Variants in GPC6 observed in about 807,000 individuals in gnomAD.
The protein encoded by GPC6 is glypican-6.
Under a neutral mutation model 55.2 loss-of-function variants are expected in GPC6, and 14 were observed. The ratio of observed to expected loss-of-function variants is 0.25; its 90% CI spans 0.17 to 0.40. The LOEUF is 0.40. Ranked by LOEUF, GPC6 falls within the 10% of genes least tolerant of loss-of-function variation. GPC6 has a pLI of 1.00. For synonymous variants in GPC6, 278 were observed against 259.6 expected, an observed-to-expected ratio of 1.07 and a Z score of -0.68; for missense variants, 641 against 708.5, an observed-to-expected ratio of 0.90 and a Z score of 1.08.
chr13:93,499,065 C>G lies in GPC6; in HGVS notation c.161-46198C>G, dbSNP rs922866938. On this transcript the variant is annotated intron_variant, in intron 1 of 8. Coordinates refer to ENST00000377047, the MANE Select transcript of GPC6 (RefSeq NM_005708.5). ...ATTTGAGTAAGGAAACAAAAATTAA[C>G]ATAGTATATCCACAATCCTTAATTG... Among the ~76,000 whole-genome samples, 7 of 149,176 alleles carry G rather than the reference C, an allele frequency of 4.7e-5. No homozygotes were observed. In the Admixed American group the frequency reaches 4.7e-4, roughly 10 times the overall value.
chr13:93,635,876 T>C (rs1879669761), intron 2 of GPC6, among the ~76,000 whole-genome samples: 1 of 152,168 alleles, frequency 6.6e-6, no homozygotes, highest in East Asian at 1.9e-4. Context: ...TTTGTAGTGT[T>C]CCTAGTGTGA....
intron 1 of GPC6, among the ~76,000 whole-genome samples, chr13:93,417,847 A>G (rs573071576): frequency 6.6e-6 from 1 of 152,184 alleles, no homozygotes; most frequent in Non-Finnish European, 1.5e-5. Flanking sequence ...TTTGGACAAA[A>G]AAATAAAAAA....
intron 2 of GPC6, among the ~76,000 whole-genome samples, chr13:93,568,327 T>G (rs1183903035): frequency 1.3e-5 from 2 of 152,206 alleles, no homozygotes; most frequent in African/African-American, 4.8e-5. Flanking sequence ...TTTTAATTGT[T>G]ATGTTCAGGC....
At chr13:93,960,191 CT>C (rs1179639819) in intron 3 of GPC6, among the ~76,000 whole-genome samples, 1 of 152,148 alleles carries the variant, frequency 6.6e-6, no homozygotes, top group Non-Finnish European at 1.5e-5. Context: ...TGGTCCTAGT[CT>C]TTCTAGAGAA....
intron 2 of GPC6, among the ~76,000 whole-genome samples, chr13:93,708,917 G>A (rs916687778): frequency 1.3e-5 from 2 of 151,676 alleles, no homozygotes; most frequent in Non-Finnish European, 2.9e-5. Context: ...CATCTTCAAA[G>A]TTAAGCAAAT....
At chr13:93,423,581 A>AT (rs1877010228) in intron 1 of GPC6, among the ~76,000 whole-genome samples, 1 of 151,916 alleles carries the variant, frequency 6.6e-6, no homozygotes, top group East Asian at 1.9e-4. Flanking sequence ...AAATGTGCTT[A>AT]TTTTTTCCGC....
chr13:93,267,488 A>G (rs1877363666), intron 1 of GPC6, among the ~76,000 whole-genome samples: 1 of 152,076 alleles, frequency 6.6e-6, no homozygotes, highest in Non-Finnish European at 1.5e-5. Context: ...GTGAAATTAC[A>G]GCTAAATTTT....
intron 2 of GPC6, among the ~76,000 whole-genome samples, chr13:93,592,593 A>T (rs1383714636): frequency 6.6e-6 from 1 of 151,174 alleles, no homozygotes; most frequent in South Asian, 2.1e-4. Context: ...AAGTTGAAAA[A>T]TAGTAGTATT....
chr13:93,831,459 G>A (rs1469763004), intron 3 of GPC6, among the ~76,000 whole-genome samples: 1 of 152,012 alleles, frequency 6.6e-6, no homozygotes, highest in African/African-American at 2.4e-5. Flanking sequence ...AGGTGTATTT[G>A]TATAAGGATT....
intron 1 of GPC6, among the ~76,000 whole-genome samples, chr13:93,480,855 C>T (rs1879490910): frequency 1.3e-5 from 2 of 152,254 alleles, no homozygotes; most frequent in African/African-American, 2.4e-5. Context: ...ATTTGATAGA[C>T]ATTTGAGTTG....
intron 2 of GPC6, among the ~76,000 whole-genome samples, chr13:93,686,957 C>T (rs116725465): frequency 9.9e-5 from 15 of 151,864 alleles, no homozygotes; most frequent in African/African-American, 3.1e-4. Context: ...ATCCCATTGC[C>T]GATTTTAAAG....
intron 2 of GPC6, among the ~76,000 whole-genome samples, chr13:93,750,198 G>A (rs529609760): frequency 1.3e-5 from 2 of 152,282 alleles, no homozygotes; most frequent in African/African-American, 4.8e-5. Context: ...AGGAATAAGC[G>A]ATCAGGGAGA....
At chr13:93,303,938 G>T (rs1463267452) in intron 1 of GPC6, among the ~76,000 whole-genome samples, 1 of 144,882 alleles carries the variant, frequency 6.9e-6, no homozygotes, top group African/African-American at 2.6e-5. Flanking sequence ...GCACAATCTC[G>T]GCTCACTGCA....
chr13:93,960,402 A>C (rs1208404729), intron 3 of GPC6, among the ~76,000 whole-genome samples: 1 of 152,198 alleles, frequency 6.6e-6, no homozygotes, highest in Non-Finnish European at 1.5e-5. Context: ...CAGTTGCAGA[A>C]AACCTCTCAA....
chr13:93,859,050 T>C (rs1427810657), intron 3 of GPC6, among the ~76,000 whole-genome samples: 1 of 151,556 alleles, frequency 6.6e-6, no homozygotes, highest in Non-Finnish European at 1.5e-5. Context: ...ACTTAGGTCA[T>C]CTCTTTAACA....
At chr13:93,789,611 A>ACTACG (rs1179251753) in intron 2 of GPC6, among the ~76,000 whole-genome samples, 10 of 13,424 alleles carry the variant, frequency 7.4e-4, no homozygotes, top group Admixed American at 2.2e-3. Context: ...ATATATATAT[A>ACTACG]TATATATATA....
At chr13:93,790,124 A>G (rs1414744556) in intron 2 of GPC6, among the ~76,000 whole-genome samples, 1 of 152,188 alleles carries the variant, frequency 6.6e-6, no homozygotes, top group Non-Finnish European at 1.5e-5. Context: ...TATTGAGTCT[A>G]TCACTGGGCA....
At chr13:93,827,747 G>C (rs1371268340) in intron 2 of GPC6, among the ~76,000 whole-genome samples, 5 of 152,096 alleles carry the variant, frequency 3.3e-5, no homozygotes, top group African/African-American at 4.8e-5. Context: ...GTGATAACTT[G>C]GTTTCTATAC....
At chr13:94,110,127 G>A (rs1260217266) in intron 4 of GPC6, among the ~76,000 whole-genome samples, 1 of 150,310 alleles carries the variant, frequency 6.7e-6, no homozygotes, top group Admixed American at 6.6e-5. Context: ...ACCATAGGAA[G>A]AGCATCTGCA....
Sources: allele counts gnomAD v4.1 joint callset (sites outside exome capture counted in the v4.1 genomes callset), GRCh38; gene constraint gnomAD v4.1.1; transcripts MANE v1.5; gene names NCBI Gene and HGNC (gene_info 2026-07-23, HGNC 2026-07-21).